The following HTR7 variants were observed in gnomAD, a reference collection of about 807,000 sequenced individuals.
HTR7 encodes the protein 5-hydroxytryptamine receptor 7, also known as 5-HT-7.
HTR7 carries 16 observed loss-of-function variants against 34.0 expected under a neutral mutation model. That is an observed-to-expected ratio of 0.47 (90% confidence interval 0.32 to 0.71). The LOEUF (loss-of-function observed/expected upper bound fraction) is 0.71. HTR7 is among the 30% of genes least tolerant of loss of function. The pLI is 0.04. For missense variants in HTR7, 504 were observed against 625.5 expected (o/e 0.81, Z 2.07); for synonymous variants, 265 against 260.2 (o/e 1.02, Z -0.18).
chr10:90,768,939 C>T (rs1845065916), intron 1 of HTR7, among the ~76,000 whole-genome samples: 1 of 152,202 alleles, frequency 6.6e-6, no homozygotes, highest in Admixed American at 6.5e-5. Flanking sequence ...TTGGCCAAGG[C>T]TCGTGTTCAG....
intron 1 of HTR7, among the ~76,000 whole-genome samples, chr10:90,811,632 A>G (rs4933613): frequency 0.27 from 41,263 of 151,846 alleles, 6,294 homozygotes; most frequent in African/African-American, 0.4. Context: ...ACTTCTCAGT[A>G]TTCCATCTGC....
chr10:90,840,671 A>G (rs1846315975), intron 1 of HTR7, among the ~76,000 whole-genome samples: 1 of 152,206 alleles, frequency 6.6e-6, no homozygotes, highest in Admixed American at 6.5e-5. Context: ...TAATATTAAC[A>G]CAACAACACT....
At chr10:90,812,324 C>T (rs11186317) in intron 1 of HTR7, among the ~76,000 whole-genome samples, 40,011 of 150,148 alleles carry the variant, frequency 0.27, 5,325 homozygotes, top group African/African-American at 0.39. Flanking sequence ...TTTACACTGC[C>T]GGTTTACACT....
intron 1 of HTR7, among the ~76,000 whole-genome samples, chr10:90,807,399 C>T (rs58868307): frequency 6.6e-6 from 1 of 151,892 alleles, no homozygotes; most frequent in Non-Finnish European, 1.5e-5. Flanking sequence ...ATATGCCCTG[C>T]CTCACCTCAA....
At chr10:90,748,387 G>T (rs1033105491) in intron 2 of HTR7, among the ~76,000 whole-genome samples, 8 of 152,136 alleles carry the variant, frequency 5.3e-5, no homozygotes, top group African/African-American at 1.4e-4. Flanking sequence ...TTCAGCCCAG[G>T]TGAATGTAAC....
chr10:90,755,706 T>C (rs1844824637), intron 1 of HTR7, among the ~76,000 whole-genome samples: 1 of 152,206 alleles, frequency 6.6e-6, no homozygotes, highest in Admixed American at 6.5e-5. Context: ...ATGATGATGA[T>C]GATAAAAACT....
At chr10:90,801,935 T>C (rs1316503133) in intron 1 of HTR7, among the ~76,000 whole-genome samples, 5 of 152,220 alleles carry the variant, frequency 3.3e-5, no homozygotes, top group African/African-American at 7.2e-5. Flanking sequence ...AATGTTCATA[T>C]TGTTTGACCC....
chr10:90,803,075 C>T (rs1177295078), intron 1 of HTR7, among the ~76,000 whole-genome samples: 3 of 146,032 alleles, frequency 2.1e-5, no homozygotes, highest in African/African-American at 7.7e-5. Context: ...CTAAAGCAAC[C>T]TCAGTTCTTG....
chr10:90,758,819 A>G lies in HTR7; in HGVS notation c.540-9225T>C, dbSNP rs577003294. ...AGAAAATATGCAAGGTAGAAAAAAA[A>G]TCAGGCTGATTCTCAACAGCAGAAT... is the stretch of plus-strand genomic sequence containing the variant. On this transcript the variant is annotated intron_variant, in intron 1 of 3. Transcript: ENST00000336152. Among the ~76,000 whole-genome samples the G allele has an allele frequency of 2.2e-4, 33 of 152,368 alleles. 1 individual carries two copies. The South Asian group carries it at 6.4e-3, about 30-fold the overall frequency.
intron 1 of HTR7, among the ~76,000 whole-genome samples, chr10:90,825,820 A>G (rs1846063819): frequency 6.6e-6 from 1 of 152,196 alleles, no homozygotes; most frequent in East Asian, 1.9e-4. Flanking sequence ...AGAAGACAAA[A>G]TGAAAAAAGA....
intron 1 of HTR7, among the ~76,000 whole-genome samples, chr10:90,850,899 A>G (rs1250295490): frequency 6.6e-6 from 1 of 152,230 alleles, no homozygotes; most frequent in Non-Finnish European, 1.5e-5. Context: ...TGACAGAGTA[A>G]AAAGGTCTAC....
intron 1 of HTR7, among the ~76,000 whole-genome samples, chr10:90,815,578 G>A (rs926258567): frequency 1.3e-5 from 2 of 152,158 alleles, no homozygotes; most frequent in African/African-American, 4.8e-5. Flanking sequence ...CTTTTGTGGG[G>A]GGCCTGAGGG....
intron 1 of HTR7, among the ~76,000 whole-genome samples, chr10:90,831,349 T>C (rs1253895521): frequency 6.6e-6 from 1 of 152,016 alleles, no homozygotes; most frequent in African/African-American, 2.4e-5. Flanking sequence ...GGAGTGAAGC[T>C]GCAGACCTTG....
chr10:90,779,622 T>A (rs1038423333), intron 1 of HTR7, among the ~76,000 whole-genome samples: 2 of 152,200 alleles, frequency 1.3e-5, no homozygotes, highest in Non-Finnish European at 2.9e-5. Context: ...GGCTAAGTAA[T>A]ACCTCTCTGT....
Position 90,751,079 on chromosome 10 carries a change from G to A in HTR7, c.540-1485C>T, listed in dbSNP as rs1015672971. 4.6e-5 allele frequency among the ~76,000 whole-genome samples: 7 copies of A among 152,286 alleles called. No individual in the cohort carries two copies. In the East Asian group the frequency reaches 5.8e-4, roughly 13 times the overall value. On this transcript the variant is annotated intron_variant, in intron 1 of 3. Coordinates refer to ENST00000336152, the MANE Select transcript of HTR7 (RefSeq NM_019859.4). Reference sequence around the variant, plus strand: ...TTCCAAGGAGCCAGGCGTTCATGACGCTGGTTCTTCATTTGCAAACTTCCG... The same window carrying A: ...TTCCAAGGAGCCAGGCGTTCATGACACTGGTTCTTCATTTGCAAACTTCCG...
chr10:90,761,957 C>A (rs533741469), intron 1 of HTR7, among the ~76,000 whole-genome samples: 2 of 152,136 alleles, frequency 1.3e-5, no homozygotes, highest in Non-Finnish European at 2.9e-5. Flanking sequence ...TTGCAAATGG[C>A]AGGATTGCCT....
intron 1 of HTR7, among the ~76,000 whole-genome samples, chr10:90,823,970 G>A (rs994611632): frequency 3.3e-5 from 5 of 152,226 alleles, no homozygotes; most frequent in African/African-American, 1.2e-4. Flanking sequence ...CTTCAGAATT[G>A]TGAGTCAATT....
intron 2 of HTR7, among the ~76,000 whole-genome samples, chr10:90,744,501 C>A (rs149545154): frequency 6.8e-6 from 1 of 146,032 alleles, no homozygotes; most frequent in East Asian, 2.0e-4. Flanking sequence ...TTCACTGATC[C>A]TACTTGCAGA....
At chr10:90,855,393 A>G (rs1846563283) in intron 1 of HTR7, among the ~76,000 whole-genome samples, 1 of 152,248 alleles carries the variant, frequency 6.6e-6, no homozygotes, top group Non-Finnish European at 1.5e-5. Context: ...GAGGAGAAAC[A>G]CTGGCTGTCT....
Sources: allele counts gnomAD v4.1 joint callset (sites outside exome capture counted in the v4.1 genomes callset), GRCh38; gene constraint gnomAD v4.1.1; transcripts MANE v1.5; gene names NCBI Gene and HGNC (gene_info 2026-07-23, HGNC 2026-07-21).